Variants in PFKP observed in about 807,000 individuals in gnomAD.
PFKP encodes phosphofructokinase, platelet, also known as ATP-dependent 6-phosphofructokinase, platelet type.
Under a neutral mutation model 94.3 loss-of-function variants are expected in PFKP, and 101 were observed. The observed-to-expected ratio is 1.07, with a 90% CI of 0.91 to 1.26. The LOEUF (loss-of-function observed/expected upper bound fraction) is 1.26, where lower values mean the gene tolerates loss of function less well. Ranked by LOEUF, PFKP falls within the 50% of genes most tolerant of loss-of-function variation. PFKP has a pLI of 0.00. For synonymous variants in PFKP, 573 were observed against 432.6 expected, an observed-to-expected ratio of 1.32 and a Z score of -4.03; for missense variants, 1,145 against 1,103.3, an observed-to-expected ratio of 1.04 and a Z score of -0.53.
intron 2 of PFKP, among the ~76,000 whole-genome samples, chr10:3,093,154 G>A (rs995808362): frequency 1.3e-5 from 2 of 152,162 alleles, no homozygotes; most frequent in African/African-American, 4.8e-5. Context: ...CAAAGAGCAG[G>A]TGACAGCATT....
At chr10:3,110,027 G>A (rs1418630169) in intron 10 of PFKP, among the ~76,000 whole-genome samples, 2 of 152,088 alleles carry the variant, frequency 1.3e-5, no homozygotes, top group Admixed American at 1.3e-4. Context: ...GGACATTCAG[G>A]TCTGTGATGG....
Position 3,136,489 on chromosome 10 carries a change from G to T in PFKP, c.2265G>T (p.Arg755=). 6.2e-7 allele frequency: 1 copy of T among 1,613,620 alleles called. No individual in the cohort carries two copies. The highest frequency in any genetic ancestry group is 1.3e-5 in the African/African-American group (1 of 75,002). Residue 755 remains arginine, a synonymous_variant, in exon 22 of 22, where the codon CGG becomes CGT. Coordinates refer to ENST00000381125, the MANE Select transcript of PFKP (RefSeq NM_002627.5). ...AAGAACAGTGGTGGCTCAAGCTACG[G>T]CCCCTCATGAAAATCCTGGCCAAGT... ...IPKEQWWLKL[R]PLMKILAKYK... is the part of the protein sequence containing the mutation.
chr10:3,077,274 T>TTTC (rs1249485408), intron 1 of PFKP, among the ~76,000 whole-genome samples: 2,508 of 137,318 alleles, frequency 0.018, 46 homozygotes, highest in Non-Finnish European at 0.03. Context: ...TTTTTTTTTT[T>TTTC]TTTTTTGAGA....
intron 2 of PFKP, among the ~76,000 whole-genome samples, chr10:3,086,340 A>G (rs1428444458): frequency 6.6e-6 from 1 of 152,162 alleles, no homozygotes; most frequent in Non-Finnish European, 1.5e-5. Context: ...CTCTTATTTC[A>G]CAGATAAACT....
In PFKP at chr10:3,100,062, T is replaced by C. The variant is rs551425688; in HGVS notation, c.264+710T>C. 9.6e-5 allele frequency among the ~76,000 whole-genome samples: 14 copies of C among 145,954 alleles called. No individual in the cohort carries two copies. In the East Asian group the frequency reaches 2.8e-3, roughly 29 times the overall value. On this transcript the variant is annotated intron_variant, in intron 3 of 21. Transcript: ENST00000381125. ...CTTGTATGTGTAGGTGTGTGGTGTG[T>C]GTGTGTGTGTGTGTGTGTGTGTGAA...
intron 1 of PFKP, among the ~76,000 whole-genome samples, chr10:3,069,754 A>G (rs1363526616): frequency 1.3e-5 from 2 of 152,272 alleles, no homozygotes; most frequent in Non-Finnish European, 1.5e-5. Context: ...AAGATACTGC[A>G]TGTATTGGAA....
intron 2 of PFKP, among the ~76,000 whole-genome samples, chr10:3,093,502 C>T (rs1490274284): frequency 6.6e-6 from 1 of 152,212 alleles, no homozygotes; most frequent in Non-Finnish European, 1.5e-5. Flanking sequence ...CGCGTGCGTG[C>T]TCACCGAGCT....
chr10:3,136,158 G>C (rs1256155678), intron 21 of PFKP, among the ~76,000 whole-genome samples: 1 of 152,188 alleles, frequency 6.6e-6, no homozygotes, highest in Non-Finnish European at 1.5e-5. Context: ...CAGCTACTCA[G>C]GAGGCTGAGG....
chr10:3,087,689 T>C (rs935924469), intron 2 of PFKP, among the ~76,000 whole-genome samples: 15 of 152,176 alleles, frequency 9.9e-5, no homozygotes, highest in African/African-American at 3.4e-4. Context: ...CTGAGGAAGA[T>C]AGGAGCAGCC....
intron 4 of PFKP, among the ~76,000 whole-genome samples, chr10:3,102,429 T>G (rs1835112112): frequency 1.8e-5 from 2 of 114,226 alleles, no homozygotes. Context: ...TTTTGTTTGT[T>G]TTGAGACAGA....
intron 1 of PFKP, among the ~76,000 whole-genome samples, chr10:3,080,573 G>T: frequency 6.6e-6 from 1 of 150,738 alleles, no homozygotes; most frequent in South Asian, 2.1e-4. Context: ...AAAACATCTC[G>T]GACGTAGTGT....
At chr10:3,108,916 G>A in intron 9 of PFKP, 123 bp downstream of exon 9, 1 of 734,336 alleles carries the variant, frequency 1.4e-6, no homozygotes, top group Non-Finnish European at 2.4e-6. Flanking sequence ...CCGCGGCCCG[G>A]CCCTCATCTT....
intron 5 of PFKP, among the ~76,000 whole-genome samples, chr10:3,104,508 G>T (rs775920703): frequency 6.6e-6 from 1 of 152,234 alleles, no homozygotes; most frequent in African/African-American, 2.4e-5. Flanking sequence ...GAGAGTGCCC[G>T]AATCCAGTCC....
At chr10:3,104,965 G>A (rs1380624385) in intron 5 of PFKP, 150 bp from the exon 6 acceptor site, 1 of 720,916 alleles carries the variant, frequency 1.4e-6, no homozygotes, top group African/African-American at 1.8e-5. Flanking sequence ...GACCATTTTT[G>A]AAGCCTAGGT....
intron 14 of PFKP, 57 bp from the exon 15 acceptor site, chr10:3,118,725 T>C (rs3829913): frequency 0.81 from 1,071,273 of 1,316,676 alleles, 436,849 homozygotes; most frequent in East Asian, 0.88. Flanking sequence ...CGTGGCGTCC[T>C]GCGGACCGCG....
chr10:3,092,153 C>T (rs967085408), intron 2 of PFKP, among the ~76,000 whole-genome samples: 3 of 151,762 alleles, frequency 2.0e-5, no homozygotes, highest in Non-Finnish European at 4.4e-5. Context: ...CCATGGCCCC[C>T]GGTCAGCAGC....
chr10:3,083,154 A>T (rs541386927), intron 2 of PFKP, among the ~76,000 whole-genome samples: 1 of 152,192 alleles, frequency 6.6e-6, no homozygotes, highest in Non-Finnish European at 1.5e-5. Context: ...TTAATTTCCA[A>T]TGTAGGCTGA....
At chr10:3,098,052 G>A (rs1834637220) in intron 2 of PFKP, among the ~76,000 whole-genome samples, 1 of 152,066 alleles carries the variant, frequency 6.6e-6, no homozygotes, top group Admixed American at 6.5e-5. Context: ...TAATATTTCT[G>A]GTAGAAATTT....
At chr10:3,107,749 T>TACTC (rs11473992) in intron 8 of PFKP, 983,414 of 985,400 alleles carry the variant, frequency 1, 490,755 homozygotes, top group Middle Eastern at 1. Flanking sequence ...AGCACATTCT[T>TACTC]ACAAAGCCAC....
Sources: gnomAD v4.1 joint callset for allele counts (sites outside exome capture counted in the v4.1 genomes callset) on GRCh38, gnomAD v4.1.1 for gene constraint, MANE v1.5 for transcripts, NCBI Gene and HGNC (gene_info 2026-07-23, HGNC 2026-07-21) for gene names.